DPY19L1: variants seen among roughly 807,000 people sequenced by gnomAD.
DPY19L1 encodes the protein protein C-mannosyl-transferase DPY19L1.
A neutral mutation model predicts 96.9 loss-of-function variants in DPY19L1; 35 were observed. The observed-to-expected ratio is 0.36, with a 90% CI of 0.28 to 0.48. DPY19L1 has a LOEUF of 0.48. DPY19L1 is among the 20% of genes least tolerant of loss of function. The pLI is 0.99. For missense variants in DPY19L1, 521 were observed against 777.9 expected, an observed-to-expected ratio of 0.67 and a Z score of 3.93; for synonymous variants, 205 against 252.6, an observed-to-expected ratio of 0.81 and a Z score of 1.79.
At chr7:34,974,645 TGTTA>T (rs886614799) in intron 7 of DPY19L1, among the ~76,000 whole-genome samples, 2 of 152,188 alleles carry the variant, frequency 1.3e-5, no homozygotes, top group African/African-American at 4.8e-5. Context: ...TTTTAAAAGC[TGTTA>T]GTTTATTAGA....
intron 21 of DPY19L1, among the ~76,000 whole-genome samples, chr7:34,932,288 T>G (rs1186718): frequency 0.27 from 41,159 of 152,106 alleles, 5,849 homozygotes; most frequent in Non-Finnish European, 0.32. Context: ...AAGTTGAAAA[T>G]GCATTTAATA....
chr7:35,018,493 C>A, intron 2 of DPY19L1, 79 bp downstream of exon 2: 1 of 1,289,902 alleles, frequency 7.8e-7, no homozygotes, highest in East Asian at 2.3e-5. Flanking sequence ...TGAAATTATT[C>A]CTTTAAATGT....
At chr7:34,968,378 A>T (rs1270374117) in intron 9 of DPY19L1, among the ~76,000 whole-genome samples, 1 of 152,182 alleles carries the variant, frequency 6.6e-6, no homozygotes, top group African/African-American at 2.4e-5. Context: ...ACCTAAACTA[A>T]GAAAAGTTAA....
At chr7:34,983,078 C>T (rs1784974600) in intron 7 of DPY19L1, among the ~76,000 whole-genome samples, 1 of 152,292 alleles carries the variant, frequency 6.6e-6, no homozygotes, top group East Asian at 1.9e-4. Flanking sequence ...CAAATTAAAA[C>T]TATACTACTG....
intron 21 of DPY19L1, among the ~76,000 whole-genome samples, chr7:34,933,793 T>C (rs1185954281): frequency 2.0e-5 from 3 of 152,196 alleles, no homozygotes; most frequent in Non-Finnish European, 2.9e-5. Context: ...CAGGGGACCT[T>C]GGGCCTTCAG....
intron 7 of DPY19L1, among the ~76,000 whole-genome samples, chr7:34,982,855 A>T (rs954624719): frequency 6.6e-6 from 1 of 152,212 alleles, no homozygotes; most frequent in Non-Finnish European, 1.5e-5. Flanking sequence ...TGAGATCACA[A>T]TCTCACACAG....
At chr7:34,959,916 TA>T (rs1562806911) in intron 10 of DPY19L1, among the ~76,000 whole-genome samples, 36 of 23,030 alleles carry the variant, frequency 1.6e-3, no homozygotes, top group Middle Eastern at 0.025. Context: ...TATATATATA[TA>T]TATATATTTA....
chr7:34,994,930 G>A (rs9792085), intron 6 of DPY19L1, among the ~76,000 whole-genome samples: 29,832 of 151,992 alleles, frequency 0.2, 3,300 homozygotes, highest in Admixed American at 0.35. Context: ...CCTGAGGGCA[G>A]AGCCACGGTG....
At chr7:34,975,907 G>GA (rs555636748) in intron 7 of DPY19L1, among the ~76,000 whole-genome samples, 174 of 152,202 alleles carry the variant, frequency 1.1e-3, no homozygotes, top group Middle Eastern at 6.8e-3. Context: ...CTACTGCTCA[G>GA]AAAAAAAGAT....
intron 7 of DPY19L1, among the ~76,000 whole-genome samples, chr7:34,988,457 T>C (rs1319780839): frequency 2.0e-5 from 3 of 151,714 alleles, no homozygotes; most frequent in Non-Finnish European, 4.4e-5. Context: ...ACACATACTA[T>C]ACCAATTAAC....
At chr7:35,038,026 G>A, upstream of DPY19L1, 1 of 767,742 alleles carries the variant, frequency 1.3e-6, no homozygotes, top group Non-Finnish European at 1.7e-6. Context: ...AAGGCGCCCG[G>A]AGCGGCCACT....
intron 4 of DPY19L1, among the ~76,000 whole-genome samples, chr7:35,012,288 T>C (rs1195260158): frequency 6.6e-6 from 1 of 152,166 alleles, no homozygotes; most frequent in Non-Finnish European, 1.5e-5. Context: ...TCACAGTGAC[T>C]GTATCAAAGC....
intron 10 of DPY19L1, among the ~76,000 whole-genome samples, chr7:34,959,914 T>TATATTTATATATATATATATAA (rs1562806899): frequency 5.7e-4 from 6 of 10,616 alleles, no homozygotes; most frequent in Non-Finnish European, 8.7e-4. Context: ...TATATATATA[T>TATATTTATATATATATATATAA]ATATATATAT....
At chr7:35,034,600 T>G (rs1270539398) in intron 1 of DPY19L1, among the ~76,000 whole-genome samples, 1 of 152,216 alleles carries the variant, frequency 6.6e-6, no homozygotes, top group Non-Finnish European at 1.5e-5. Context: ...TGCTTAACCC[T>G]GCCCAACAGT....
intron 8 of DPY19L1, among the ~76,000 whole-genome samples, chr7:34,971,582 G>C (rs1637683): frequency 2.0e-5 from 3 of 151,936 alleles, no homozygotes; most frequent in Non-Finnish European, 4.4e-5. Context: ...AATGCCAACT[G>C]GAATATAAAC....
chr7:35,013,026 A>T (rs1335763951), intron 4 of DPY19L1, among the ~76,000 whole-genome samples: 1 of 152,220 alleles, frequency 6.6e-6, no homozygotes, highest in Non-Finnish European at 1.5e-5. Flanking sequence ...AGATGCAGGT[A>T]AATAAGTAGT....
At chr7:35,037,740 C>G (rs1360548460), upstream of DPY19L1, 1 of 971,222 alleles carries the variant, frequency 1.0e-6, no homozygotes, top group African/African-American at 1.8e-5. Context: ...CGGACGCGCG[C>G]TCCAGGCCGG....
intron 11 of DPY19L1, among the ~76,000 whole-genome samples, chr7:34,957,291 A>C (rs1475044927): frequency 2.6e-5 from 4 of 152,170 alleles, no homozygotes; most frequent in Admixed American, 1.3e-4. Flanking sequence ...CTGAGGCAGG[A>C]GAAACGCTTG....
chr7:35,030,206 T>C (rs2128683416), intron 1 of DPY19L1, among the ~76,000 whole-genome samples: 1 of 152,332 alleles, frequency 6.6e-6, no homozygotes, highest in East Asian at 1.9e-4. Flanking sequence ...AGCTATATTA[T>C]AAAAAGTAGT....
Sources: gnomAD v4.1 joint callset for allele counts (sites outside exome capture counted in the v4.1 genomes callset) on GRCh38, gnomAD v4.1.1 for gene constraint, MANE v1.5 for transcripts, NCBI Gene and HGNC (gene_info 2026-07-23, HGNC 2026-07-21) for gene names.